The following RALGDS variants were observed in gnomAD, a reference collection of about 807,000 sequenced individuals.
The protein encoded by RALGDS is ral guanine nucleotide exchange factor.
RALGDS carries 44 observed loss-of-function variants against 99.8 expected under a neutral mutation model. The ratio of observed to expected loss-of-function variants is 0.44; its 90% CI spans 0.35 to 0.57. The LOEUF is 0.57. RALGDS is among the 20% of genes least tolerant of loss of function. The pLI is 0.01. For synonymous variants in RALGDS, 529 were observed against 505.0 expected, an observed-to-expected ratio of 1.05 and a Z score of -0.64; for missense variants, 1,022 against 1,203.1, an observed-to-expected ratio of 0.85 and a Z score of 2.23.
intron 8 of RALGDS, 61 bp downstream of exon 8, chr9:133,106,584 G>C: frequency 7.6e-7 from 1 of 1,314,156 alleles, no homozygotes; most frequent in Non-Finnish European, 1.1e-6. Flanking sequence ...CACTAAGGGG[G>C]TGATGCCAGC....
chr9:133,112,622 T>C (rs1831403566), intron 1 of RALGDS, among the ~76,000 whole-genome samples: 1 of 152,050 alleles, frequency 6.6e-6, no homozygotes, highest in Admixed American at 6.5e-5. Flanking sequence ...AAGGTCCCCC[T>C]ACCTCCCCAG....
intron 16 of RALGDS, chr9:133,101,025 A>C: frequency 9.4e-7 from 1 of 1,059,858 alleles, no homozygotes; most frequent in Non-Finnish European, 1.1e-6. Flanking sequence ...CCCCAGGCAA[A>C]CCCATTCTGT....
chr9:133,120,846 AGAGAGGAGG>A, intron 1 of RALGDS, 117 bp downstream of exon 1: 1 of 1,077,240 alleles, frequency 9.3e-7, no homozygotes, highest in Non-Finnish European at 1.2e-6. Flanking sequence ...CCTATGGAGG[AGAGAGGAGG>A]GAGGCGGCCC....
intron 14 of RALGDS, 143 bp downstream of exon 14, chr9:133,102,333 G>A (rs1255907668): frequency 1.1e-5 from 12 of 1,098,570 alleles, no homozygotes; most frequent in Admixed American, 2.0e-5. Context: ...AAAAAGGTGA[G>A]GGGACTCATC....
chr9:133,101,475 T>C, intron 16 of RALGDS, 45 bp downstream of exon 16: 3 of 1,608,046 alleles, frequency 1.9e-6, no homozygotes, highest in Non-Finnish European at 2.5e-6. Context: ...AGGGTGCATT[T>C]GCCGCCAGTG....
intron 1 of RALGDS, among the ~76,000 whole-genome samples, chr9:133,113,010 C>T (rs1831424977): frequency 6.6e-6 from 1 of 152,184 alleles, no homozygotes. Context: ...AGGCCGTTGT[C>T]TTAGGAGACA....
chr9:133,120,869 G>T, intron 1 of RALGDS, 103 bp downstream of exon 1: 1 of 1,254,454 alleles, frequency 8.0e-7, no homozygotes, highest in Non-Finnish European at 1.0e-6. Flanking sequence ...GCGGCCCGCT[G>T]GGATCGCCCG....
At chr9:133,113,725 G>A (rs537594756) in intron 1 of RALGDS, among the ~76,000 whole-genome samples, 4 of 152,126 alleles carry the variant, frequency 2.6e-5, no homozygotes, top group Middle Eastern at 3.2e-3. Context: ...CCAACCACCC[G>A]GGCCTCCTCA....
At chr9:133,104,726 C>G (rs1230510930) in intron 9 of RALGDS, 3 of 227,512 alleles carry the variant, frequency 1.3e-5, no homozygotes, top group Non-Finnish European at 2.7e-5. Context: ...GCAGGAGAAT[C>G]CCTTGAACCC....
intron 1 of RALGDS, chr9:133,148,912 T>A: frequency 6.3e-7 from 1 of 1,588,734 alleles, no homozygotes; most frequent in Non-Finnish European, 8.6e-7. Flanking sequence ...GGCTGGGGCA[T>A]ACGGTCCTCC....
chr9:133,148,920 T>C, intron 1 of RALGDS: 2 of 1,595,698 alleles, frequency 1.3e-6, no homozygotes, highest in South Asian at 2.3e-5. Flanking sequence ...CATACGGTCC[T>C]CCCTCCACCC....
rs200992706 is a variant in RALGDS at position 133,112,029 on chromosome 9, C to T, written c.294+13G>A. On this transcript the variant is annotated intron_variant, in intron 2 of 17. Coordinates refer to ENST00000372050, the MANE Select transcript of RALGDS (RefSeq NM_006266.4). ...CAGCTGCGTCTCCCAGTGGAGACCC[C>T]GAGCGCACTCACCCCGAGCCAGCGC... 3.8e-4 allele frequency: 584 copies of T among 1,555,396 alleles called. 2 individuals are homozygous for T. Among genetic ancestry groups the T allele is most frequent in the Middle Eastern group, 1.7e-4 (1 of 6,000 alleles).
upstream of RALGDS, among the ~76,000 whole-genome samples, chr9:133,123,411 G>A (rs1485788976): frequency 1.3e-5 from 2 of 152,186 alleles, no homozygotes; most frequent in Non-Finnish European, 2.9e-5. Flanking sequence ...AAGGTCCTGG[G>A]TGCTGGGGCG....
chr9:133,110,596 G>T, intron 2 of RALGDS, 107 bp from the exon 3 acceptor site: 1 of 945,834 alleles, frequency 1.1e-6, no homozygotes, highest in Non-Finnish European at 1.7e-6. Flanking sequence ...AGGCAGGACT[G>T]AGTATCTCTA....
chr9:133,112,284 G>A (rs62576827), intron 1 of RALGDS, 132 bp from the exon 2 acceptor site: 3 of 688,602 alleles, frequency 4.4e-6, no homozygotes, highest in African/African-American at 3.5e-5. Context: ...CCTACAGCCT[G>A]GGGTGGAATG....
At chr9:133,126,609 T>A (rs904681947) in intron 1 of RALGDS, among the ~76,000 whole-genome samples, 1 of 152,120 alleles carries the variant, frequency 6.6e-6, no homozygotes, top group East Asian at 1.9e-4. Context: ...ACTCCCGCAG[T>A]GCCCAGTGCC....
In RALGDS at chr9:133,121,214, C is replaced by G; in HGVS notation, c.-60G>C. The G allele has an allele frequency of 1.0e-6, 1 of 987,688 alleles. No individual in the cohort carries two copies. The highest frequency in any genetic ancestry group is 1.2e-6 in the Non-Finnish European group (1 of 833,214). The allele number at this position is 987,688 out of a possible 1,614,324, so 61.2% of individuals were successfully genotyped here. ...GCGCGCGGCGGGGGCGGCGGCGCGGCCCGCGCGGCTGGGCTTTGCCACCGC... is the reference window on the plus strand; with the variant it reads ...GCGCGCGGCGGGGGCGGCGGCGCGGGCCGCGCGGCTGGGCTTTGCCACCGC... On this transcript the variant is annotated 5_prime_UTR_variant, in exon 1 of 18. Transcript: ENST00000372050.
Position 133,143,507 on chromosome 9 carries a change from C to G in RALGDS, c.18+5456G>C, listed in dbSNP as rs955499451. On this transcript the variant is annotated intron_variant, in intron 1 of 17. Transcript: ENST00000393160. ...CAGTGTCTCAAGCCTTTAATCCTAG[C>G]AGTTTGGGAGGCCGAGGCGGGGGGA... 6.6e-5 allele frequency among the ~76,000 whole-genome samples: 10 copies of G among 152,188 alleles called. No homozygotes were observed. The East Asian group carries it at 1.9e-3, about 29-fold the overall frequency.
intron 1 of RALGDS, 29 bp downstream of exon 1, chr9:133,120,943 C>A (rs1020212221): frequency 1.2e-4 from 178 of 1,473,282 alleles, no homozygotes; most frequent in African/African-American, 2.2e-4. Flanking sequence ...TCCGACGCAC[C>A]CCCCGCCCGA....
Sources: gnomAD v4.1 joint callset for allele counts (sites outside exome capture counted in the v4.1 genomes callset) on GRCh38, gnomAD v4.1.1 for gene constraint, MANE v1.5 for transcripts, NCBI Gene and HGNC (gene_info 2026-07-23, HGNC 2026-07-21) for gene names.